Variants in DCAF8L2 observed in about 807,000 individuals in gnomAD.
DCAF8L2 encodes the protein DDB1 and CUL4 associated factor 8 like 2, also known as DDB1- and CUL4-associated factor 8-like protein 2.
For synonymous variants in DCAF8L2, 200 were observed against 190.9 expected (o/e 1.05, Z -0.39); for missense variants, 430 against 490.7 (o/e 0.88, Z 1.17).
the DCAF8L2 span, among the ~76,000 whole-genome samples, chrX:27,472,828 G>A: frequency 9.0e-6 from 1 of 111,539 alleles, no homozygotes; most frequent in African/African-American, 3.3e-5. Context: ...TTTAAATAGA[G>A]GTGAACTAAC....
chrX:27,711,927 A>G (rs1197508441), intron 3 of DCAF8L2, among the ~76,000 whole-genome samples: 5 of 111,294 alleles, frequency 4.5e-5, no homozygotes, highest in South Asian at 3.8e-4. Context: ...GAGTTTTGGT[A>G]GCTTGAATCT....
intron 3 of DCAF8L2, among the ~76,000 whole-genome samples, chrX:27,709,873 T>C (rs1931465406): frequency 9.0e-6 from 1 of 110,755 alleles, no homozygotes; most frequent in Non-Finnish European, 1.9e-5. Flanking sequence ...ATGTGGGAAA[T>C]GCCCAATTAT....
intron 2 of DCAF8L2, among the ~76,000 whole-genome samples, chrX:27,668,158 A>G (rs974907327): frequency 3.6e-5 from 4 of 111,977 alleles, no homozygotes; most frequent in Non-Finnish European, 7.5e-5. Context: ...GCATGGGGAA[A>G]AAGTATCTCT....
At chrX:27,629,690 G>C (rs1928207020) in intron 1 of DCAF8L2, among the ~76,000 whole-genome samples, 1 of 111,410 alleles carries the variant, frequency 9.0e-6, no homozygotes, top group Non-Finnish European at 1.9e-5. Flanking sequence ...TTTTATGACA[G>C]TACAAAACTG....
chrX:27,713,657 T>C (rs967659369), intron 3 of DCAF8L2, among the ~76,000 whole-genome samples: 2 of 111,814 alleles, frequency 1.8e-5, no homozygotes, highest in African/African-American at 6.5e-5. Context: ...ATTGAAGATG[T>C]AGGACATCAG....
chrX:27,550,094 A>T, the DCAF8L2 span, among the ~76,000 whole-genome samples: 1,025 of 111,990 alleles, frequency 9.2e-3, 9 homozygotes, highest in African/African-American at 0.031. Context: ...TCATTCTATG[A>T]TAATTAGCAT....
chrX:27,519,264 A>G, the DCAF8L2 span: 15 of 993,937 alleles, frequency 1.5e-5, no homozygotes, highest in East Asian at 3.7e-4. Flanking sequence ...AACAGACTCA[A>G]AAAGCTCTAG....
upstream of DCAF8L2, among the ~76,000 whole-genome samples, chrX:27,587,496 A>T (rs757657050): frequency 8.9e-6 from 1 of 111,797 alleles, no homozygotes; most frequent in Non-Finnish European, 1.9e-5. Context: ...TTACACATTC[A>T]GTTCAGTTCA....
chrX:27,562,017 T>C, the DCAF8L2 span, among the ~76,000 whole-genome samples: 7 of 112,007 alleles, frequency 6.2e-5, no homozygotes, highest in Non-Finnish European at 1.1e-4. Flanking sequence ...CCATTTTATA[T>C]TTCCACAAGC....
the DCAF8L2 span, among the ~76,000 whole-genome samples, chrX:27,546,739 T>C: frequency 2.7e-5 from 3 of 112,397 alleles, no homozygotes; most frequent in African/African-American, 9.7e-5. Flanking sequence ...TGGTCCCTTT[T>C]AGCCACTACT....
the DCAF8L2 span, among the ~76,000 whole-genome samples, chrX:27,582,047 C>G: frequency 9.0e-6 from 1 of 111,637 alleles, no homozygotes; most frequent in Non-Finnish European, 1.9e-5. Flanking sequence ...AATTTTCTTT[C>G]ATTATTTTAT....
chrX:27,670,892 A>G (rs776756700), intron 2 of DCAF8L2, among the ~76,000 whole-genome samples: 14 of 111,936 alleles, frequency 1.3e-4, no homozygotes, highest in Non-Finnish European at 2.6e-4. Context: ...TTAGGCCTTC[A>G]TCAGAAACAG....
the DCAF8L2 span, among the ~76,000 whole-genome samples, chrX:27,535,376 C>T: frequency 9.0e-6 from 1 of 111,659 alleles, no homozygotes; most frequent in African/African-American, 3.3e-5. Flanking sequence ...CATCTCTTAT[C>T]ACATCGCCAT....
At chrX:27,537,952 T>C in the DCAF8L2 span, among the ~76,000 whole-genome samples, 1 of 112,007 alleles carries the variant, frequency 8.9e-6, no homozygotes, top group South Asian at 3.7e-4. Context: ...CACCATATGA[T>C]CCTTTGCTCA....
chrX:27,584,493 A>G, the DCAF8L2 span, among the ~76,000 whole-genome samples: 1 of 36,862 alleles, frequency 2.7e-5, no homozygotes, highest in South Asian at 1.9e-3. Flanking sequence ...AATATGCTCA[A>G]TAATCCCATA....
intron 1 of DCAF8L2, among the ~76,000 whole-genome samples, chrX:27,623,618 A>T (rs1039694177): frequency 9.0e-6 from 1 of 111,540 alleles, no homozygotes; most frequent in Non-Finnish European, 1.9e-5. Context: ...CCTACAAAAA[A>T]AAATCAATAC....
At chrX:27,643,839 T>G (rs1230498349) in intron 2 of DCAF8L2, among the ~76,000 whole-genome samples, 1 of 111,765 alleles carries the variant, frequency 8.9e-6, no homozygotes, top group Non-Finnish European at 1.9e-5. Flanking sequence ...GATTGGACTA[T>G]GAGTGAAATA....
chrX:27,691,244 T>C (rs186713362), intron 3 of DCAF8L2, among the ~76,000 whole-genome samples: 1 of 111,894 alleles, frequency 8.9e-6, no homozygotes, highest in Admixed American at 9.5e-5. Context: ...CTATAAATTA[T>C]TTTTTATGTT....
the DCAF8L2 span, among the ~76,000 whole-genome samples, chrX:27,500,667 A>G: frequency 8.9e-6 from 1 of 111,859 alleles, no homozygotes; most frequent in Non-Finnish European, 1.9e-5. Context: ...AAAAAATTTT[A>G]ATGAGTGGCA....
Sources: allele counts gnomAD v4.1 joint callset (sites outside exome capture counted in the v4.1 genomes callset), GRCh38; gene constraint gnomAD v4.1.1; transcripts MANE v1.5; gene names NCBI Gene and HGNC (gene_info 2026-07-23, HGNC 2026-07-21).